Variants in HECW1 observed in about 807,000 individuals in gnomAD.
HECW1 encodes HECT, C2 and WW domain containing E3 ubiquitin protein ligase 1, also known as E3 ubiquitin-protein ligase HECW1.
HECW1 carries 61 observed loss-of-function variants against 182.3 expected under a neutral mutation model. The observed-to-expected ratio is 0.33, with a 90% CI of 0.27 to 0.41. HECW1 has a LOEUF of 0.41. Among genes scored for constraint, HECW1 ranks in the 10% least tolerant of loss-of-function variants. The probability of loss-of-function intolerance (pLI) is 1.00; values close to 1 mark genes in which losing one functional copy is unlikely to be tolerated. For synonymous variants in HECW1, 859 were observed against 832.6 expected (o/e 1.03, Z -0.55); for missense variants, 1,739 against 2,108.9 (o/e 0.82, Z 3.44).
intron 6 of HECW1, among the ~76,000 whole-genome samples, chr7:43,391,204 G>A (rs1052654105): frequency 2.0e-5 from 3 of 152,202 alleles, no homozygotes; most frequent in Non-Finnish European, 4.4e-5. Context: ...TTAGGTGAAT[G>A]CACACTTACA....
chr7:43,301,412 T>G (rs555503744), intron 3 of HECW1, among the ~76,000 whole-genome samples: 59 of 152,332 alleles, frequency 3.9e-4, no homozygotes, highest in African/African-American at 1.4e-3. Flanking sequence ...ACCCCATTAT[T>G]GCCCTCACCA....
In HECW1 at chr7:43,243,883, G is replaced by A. The variant is rs941082178; in HGVS notation, c.-23G>A. 3.7e-6 allele frequency: 6 copies of A among 1,613,204 alleles called. No individual in the cohort carries two copies. The highest frequency in any genetic ancestry group is 5.1e-6 in the Non-Finnish European group (6 of 1,179,182). On this transcript the variant is annotated 5_prime_UTR_variant, in exon 3 of 30. An upstream start codon of the reference 5' UTR is lost. Transcript: ENST00000395891. This position sits in a 1 kb window ranked among gnomAD's most constrained non-coding sequence, Gnocchi z 4.0. The stretch of plus-strand genomic sequence containing the variant: ...GTTGGACTTTTCCCCAGGAATTGAT[G>A]CGCGTACACGTGGTGGGTCATTATG...
chr7:43,277,691 T>A (rs1803335191), intron 3 of HECW1, among the ~76,000 whole-genome samples: 2 of 152,122 alleles, frequency 1.3e-5, no homozygotes, highest in Non-Finnish European at 2.9e-5. Flanking sequence ...TACCACACAT[T>A]GTCTTCTCCC....
intron 3 of HECW1, chr7:43,274,009 C>T (rs34336718): frequency 0.045 from 10,237 of 228,862 alleles, 391 homozygotes; most frequent in Non-Finnish European, 0.058. Context: ...CACCACCACA[C>T]GCAGTTAATT....
At chr7:43,172,696 G>A (rs993549421) in intron 2 of HECW1, among the ~76,000 whole-genome samples, 2 of 152,040 alleles carry the variant, frequency 1.3e-5, no homozygotes, top group African/African-American at 4.8e-5. Context: ...TTCTTAATTG[G>A]CACAGATCCC....
At chr7:43,286,295 T>C (rs555809452) in intron 3 of HECW1, among the ~76,000 whole-genome samples, 1 of 152,298 alleles carries the variant, frequency 6.6e-6, no homozygotes, top group East Asian at 1.9e-4. Context: ...GCACAGAGCA[T>C]GCAGCCCAGT....
intron 5 of HECW1, among the ~76,000 whole-genome samples, chr7:43,321,292 T>G (rs1215910858): frequency 6.6e-6 from 1 of 152,238 alleles, no homozygotes; most frequent in African/African-American, 2.4e-5. Flanking sequence ...CATTTCTGAA[T>G]GTATAAACTT....
intron 2 of HECW1, among the ~76,000 whole-genome samples, chr7:43,164,003 C>G (rs907436104): frequency 4.6e-5 from 7 of 152,208 alleles, no homozygotes; most frequent in African/African-American, 1.7e-4. Context: ...GGAGTTCATC[C>G]TGCCCTGGCT....
In HECW1 at chr7:43,456,531, G is replaced by A. The variant is rs1206777393; in HGVS notation, c.2651+84G>A. 2.9e-6 allele frequency: 4 copies of A among 1,360,212 alleles called. No individual in the cohort carries two copies. In the Admixed American group the frequency reaches 8.6e-5, roughly 29 times the overall value. The allele number at this position is 1,360,212 out of a possible 1,614,324, so 84.3% of individuals were successfully genotyped here. The stretch of plus-strand genomic sequence containing the variant: ...AGAGACGCTCCCCTTACACTTTTCT[G>A]CTCAGACTGTATGAGGAGACTGGAA... On this transcript the variant is annotated intron_variant, in intron 13 of 29. Coordinates refer to ENST00000395891, the MANE Select transcript of HECW1 (RefSeq NM_015052.5).
Position 43,444,663 on chromosome 7 carries a change from T to C in HECW1, c.1491T>C (p.Ala497=), listed in dbSNP as rs2076987848. 1 of 1,605,988 alleles carries C rather than the reference T, an allele frequency of 6.2e-7. No homozygotes were observed. Among genetic ancestry groups the C allele is most frequent in the Middle Eastern group, 1.7e-4 (1 of 6,050 alleles). ...LEEEATTQSR[A]GREEEEKEQE... The stretch of plus-strand genomic sequence containing the variant: ...AGGAAGCAACGACCCAGAGCCGGGC[T>C]GGAAGGGAAGAAGAGGAGAAGGAGC... Residue 497 remains alanine, a synonymous_variant, in exon 11 of 30, where the codon GCT becomes GCC. Transcript: ENST00000395891. The surrounding 1 kb of genome is among the most constrained non-coding windows in gnomAD (Gnocchi z 4.3).
intron 3 of HECW1, among the ~76,000 whole-genome samples, chr7:43,288,799 A>G (rs1344016110): frequency 2.0e-5 from 3 of 152,218 alleles, no homozygotes; most frequent in Non-Finnish European, 2.9e-5. Flanking sequence ...CTCTTCTGAC[A>G]AATGTGCAGT....
chr7:43,240,736 C>T (rs1164386952), intron 2 of HECW1, among the ~76,000 whole-genome samples: 3 of 152,136 alleles, frequency 2.0e-5, no homozygotes, highest in Admixed American at 6.5e-5. Flanking sequence ...AGTGACAGGC[C>T]GTGTCAGATG....
At chr7:43,369,351 G>A (rs1014221572) in intron 6 of HECW1, among the ~76,000 whole-genome samples, 1 of 152,088 alleles carries the variant, frequency 6.6e-6, no homozygotes, top group Non-Finnish European at 1.5e-5. Context: ...CCAGCTACTC[G>A]GGAGGCTGAG....
At chr7:43,409,396 G>T (rs928118869) in intron 8 of HECW1, among the ~76,000 whole-genome samples, 1 of 152,190 alleles carries the variant, frequency 6.6e-6, no homozygotes, top group Non-Finnish European at 1.5e-5. Context: ...TGTATGGGGG[G>T]AAAGGCTTCT....
At chr7:43,169,597 A>T (rs569707619) in intron 2 of HECW1, among the ~76,000 whole-genome samples, 2 of 152,150 alleles carry the variant, frequency 1.3e-5, no homozygotes, top group East Asian at 3.8e-4. Flanking sequence ...ATATGCTAGT[A>T]CTTTGCTCTT....
chr7:43,438,751 A>C (rs2076787734), intron 9 of HECW1: 1 of 152,226 alleles, frequency 6.6e-6, no homozygotes, highest in South Asian at 2.1e-4. Flanking sequence ...ATTAAAGTGG[A>C]CTATGACCAG....
Position 43,311,143 on chromosome 7 carries a change from G to C in HECW1, c.28-620G>C, listed in dbSNP as rs147935276. Among the ~76,000 whole-genome samples, 1,444 of 152,294 alleles carry C rather than the reference G, an allele frequency of 9.5e-3. 7 individuals carry two copies. Among genetic ancestry groups the C allele is most frequent in the Middle Eastern group, 0.017 (5 of 294 alleles). On this transcript the variant is annotated intron_variant, in intron 3 of 29. Coordinates refer to ENST00000395891, the MANE Select transcript of HECW1 (RefSeq NM_015052.5). ...GGCTCCAAGGGAGATACAGTCCTCT[G>C]AGATTGGATTTTATTGAAAATCATC...
chr7:43,307,763 T>G (rs1196577486), intron 3 of HECW1, among the ~76,000 whole-genome samples: 1 of 151,404 alleles, frequency 6.6e-6, no homozygotes, highest in Non-Finnish European at 1.5e-5. Flanking sequence ...AAGAAGCAAC[T>G]GTTGACATTT....
intron 21 of HECW1, among the ~76,000 whole-genome samples, chr7:43,506,186 T>C (rs1470818073): frequency 1.3e-5 from 2 of 152,188 alleles, no homozygotes; most frequent in African/African-American, 4.8e-5. Flanking sequence ...TCCTAAATGC[T>C]CTGAGCCTTT....
Sources: allele counts gnomAD v4.1 joint callset (sites outside exome capture counted in the v4.1 genomes callset), GRCh38; gene constraint gnomAD v4.1.1; non-coding constraint Gnocchi (gnomAD v3.1); transcripts MANE v1.5; gene names NCBI Gene and HGNC (gene_info 2026-07-23, HGNC 2026-07-21).